The following HLA-F variants were observed in gnomAD, a reference collection of about 807,000 sequenced individuals.
HLA-F encodes major histocompatibility complex, class I, F.
A neutral mutation model predicts 49.5 loss-of-function variants in HLA-F; 46 were observed. The observed-to-expected ratio is 0.93, with a 90% CI of 0.73 to 1.19. The LOEUF (loss-of-function observed/expected upper bound fraction) is 1.19, where lower values mean the gene tolerates loss of function less well. Ranked by LOEUF, HLA-F falls within the 50% of genes most tolerant of loss-of-function variation. The pLI is 0.00. For missense variants in HLA-F, 496 were observed against 579.6 expected (o/e 0.86, Z 1.48); for synonymous variants, 203 against 233.5 (o/e 0.87, Z 1.19).
At chr6:29,726,554 C>A in intron 6 of HLA-F, 1 of 1,460,430 alleles carries the variant, frequency 6.8e-7, no homozygotes, top group South Asian at 1.3e-5. Context: ...ATAGCATGCA[C>A]GTAAATGTGT....
rs73745582 is a variant in HLA-F, at chr6:29,725,428, C to T, written c.887-19C>T. 288 of 1,612,186 alleles carry T rather than the reference C, an allele frequency of 1.8e-4. 1 individual carries two copies. The African/African-American group carries it at 2.6e-3, about 15-fold the overall frequency. On this transcript the variant is annotated intron_variant, in intron 4 of 6. Transcript: ENST00000259951. ...GAGGCCTGGAGATCAGGGCCCCTCA[C>T]CTTCCCTTCCTTTCCCAGAGCAGTC...
chr6:29,724,533 A>G (rs1160488825), intron 3 of HLA-F, 85 bp downstream of exon 3: 20 of 1,352,828 alleles, frequency 1.5e-5, no homozygotes, highest in Non-Finnish European at 2.1e-5. Flanking sequence ...AGTGGACCCA[A>G]TGCTAGGATA....
At chr6:29,736,655 C>T in intron 3 of HLA-F, 1 of 306,574 alleles carries the variant, frequency 3.3e-6, no homozygotes. Context: ...TCACCCTCCC[C>T]AACCCTAGAG....
rs757660751 is a variant in HLA-F, at chr6:29,723,472, C to T, written c.9C>T (p.Pro3=). 9 of 1,613,518 alleles carry T rather than the reference C, an allele frequency of 5.6e-6. No individual in the cohort carries two copies. The highest frequency in any genetic ancestry group is 6.8e-6 in the Non-Finnish European group (8 of 1,180,000). The stretch of plus-strand genomic sequence containing the variant: ...ACGCGGAGGTTGGGGTCATGGCGCC[C>T]CGAAGCCTCCTCCTGCTGCTCTCAG... MA[P]RSLLLLLSGA... The change falls in exon 1 of 7, where the codon CCC becomes CCT. Residue 3 remains proline (P), a synonymous_variant. Coordinates refer to ENST00000259951, the MANE Select transcript of HLA-F (RefSeq NM_001098479.2).
chr6:29,738,306 C>T (rs1310726357), intron 4 of HLA-F: 1 of 152,218 alleles, frequency 6.6e-6, no homozygotes, highest in Non-Finnish European at 1.5e-5. Context: ...TGTCATTGCT[C>T]ATCCTCCAGG....
At chr6:29,724,051 C>A in intron 2 of HLA-F, 122 bp from the exon 3 acceptor site, 1 of 1,546,402 alleles carries the variant, frequency 6.5e-7, no homozygotes, top group Non-Finnish European at 8.8e-7. Flanking sequence ...CCAGACCCTC[C>A]ACCCGGGAGA....
At position 29,723,508 on chromosome 6, in the gene HLA-F, C is replaced by A. The variant is rs746843367; in HGVS notation, c.45C>A (p.Ala15=). 2 of 1,613,142 alleles carry A rather than the reference C, an allele frequency of 1.2e-6. No homozygotes were observed. Among genetic ancestry groups the A allele is most frequent in the Non-Finnish European group, 1.7e-6 (2 of 1,179,908 alleles). The change falls in exon 1 of 7, where the codon GCC becomes GCA. Residue 15 remains alanine, a synonymous_variant. Transcript: ENST00000259951. The stretch of plus-strand genomic sequence containing the variant: ...TCCTGCTGCTCTCAGGGGCCCTGGC[C>A]CTGACCGATACTTGGGCGGGTGAGT... ...SLLLLLSGAL[A]LTDTWAGSHS... is the part of the protein sequence containing the mutation.
chr6:29,736,430 T>G (rs1186431188), intron 3 of HLA-F: 3 of 453,644 alleles, frequency 6.6e-6, no homozygotes, highest in East Asian at 7.0e-5. Flanking sequence ...CTAAGGACTT[T>G]CAGTAATGGA....
intron 6 of HLA-F, chr6:29,726,331 G>C: frequency 6.7e-7 from 1 of 1,503,382 alleles, no homozygotes; most frequent in Non-Finnish European, 9.3e-7. Context: ...TCTTGAGCAT[G>C]AAATGGGCTA....
At chr6:29,727,669 C>T (rs886553742), downstream of HLA-F, among the ~76,000 whole-genome samples, 1 of 152,164 alleles carries the variant, frequency 6.6e-6, no homozygotes, top group African/African-American at 2.4e-5. Context: ...CACACAAAGC[C>T]TAGGGTTACC....
chr6:29,727,749 T>G (rs868664502), downstream of HLA-F, among the ~76,000 whole-genome samples: 5 of 152,022 alleles, frequency 3.3e-5, no homozygotes, highest in African/African-American at 1.2e-4. Context: ...ATGGGCTGGG[T>G]GTTTAGTGGG....
chr6:29,734,393 C>G (rs998774973), intron 3 of HLA-F, among the ~76,000 whole-genome samples: 1 of 152,226 alleles, frequency 6.6e-6, no homozygotes, highest in Non-Finnish European at 1.5e-5. Flanking sequence ...GTTGGATAAT[C>G]TCTTCACTCC....
At position 29,725,194 on chromosome 6, in the gene HLA-F, G is replaced by A. The variant is rs371146545; in HGVS notation, c.774G>A (p.Gly258=). The change falls in exon 4 of 7, where the codon GGG becomes GGA. Residue 258 remains glycine (G), a synonymous_variant. Transcript: ENST00000259951. ...AGCTTGTGGAGACCAGGCCTGCAGG[G>A]GATGGAACCTTCCAGAAGTGGGCCG... ...DTELVETRPA[G]DGTFQKWAAV... is the part of the protein sequence containing the mutation. 1 of 1,613,974 alleles carries A rather than the reference G, an allele frequency of 6.2e-7. No individual in the cohort carries two copies.
chr6:29,727,149 AG>A lies in HLA-F; in HGVS notation c.1306del (p.Val436SerfsTer11). 6.2e-7 allele frequency: 1 copy of A among 1,600,826 alleles called. No homozygotes were observed. The highest frequency in any genetic ancestry group is 8.5e-7 in the Non-Finnish European group (1 of 1,176,474). On this transcript the variant is annotated frameshift_variant, in exon 7 of 7. Transcript: ENST00000259951. LOFTEE classifies it low-confidence loss of function (END_TRUNC). ...TCGTTCTTGGCACCATCTTATGAAA[AG>A]GGTCCAGATTAAGATTTTTGACTGA... ...LLRSWHHLMKRVQIKIFD is the reference protein window; with the variant it reads ...LLRSWHHLMKXVQIKIFD
chr6:29,725,757 C>T (rs1025694590), intron 5 of HLA-F, among the ~76,000 whole-genome samples, 194 bp downstream of exon 5: 1 of 152,144 alleles, frequency 6.6e-6, no homozygotes, highest in African/African-American at 2.4e-5. Flanking sequence ...TTCTTCACTT[C>T]GATGATTATG....
chr6:29,736,267 T>C, intron 3 of HLA-F: 3 of 368,456 alleles, frequency 8.1e-6, no homozygotes, highest in South Asian at 6.4e-5. Context: ...TTTTGATTCC[T>C]AGTTCCTGGC....
chr6:29,724,565 G>A (rs1463152843), intron 3 of HLA-F, 117 bp downstream of exon 3: 5 of 1,055,772 alleles, frequency 4.7e-6, no homozygotes, highest in African/African-American at 1.6e-5. Context: ...CTAGTCCTGA[G>A]TAGGAAGAAT....
At chr6:29,726,254 G>T (rs755950797) in intron 6 of HLA-F, 3 of 966,340 alleles carry the variant, frequency 3.1e-6, no homozygotes, top group Non-Finnish European at 5.1e-6. Flanking sequence ...GGGCCCTGAT[G>T]TGAGTGGGGT....
chr6:29,727,398 G>A, downstream of HLA-F: 1 of 467,600 alleles, frequency 2.1e-6, no homozygotes, highest in Non-Finnish European at 3.7e-6. Flanking sequence ...GTTGCCTTTG[G>A]TTATGTTTCT....
Sources: allele counts gnomAD v4.1 joint callset (sites outside exome capture counted in the v4.1 genomes callset), GRCh38; gene constraint gnomAD v4.1.1; transcripts MANE v1.5; gene names NCBI Gene and HGNC (gene_info 2026-07-23, HGNC 2026-07-21).